ERBB4: variants seen among roughly 807,000 people sequenced by gnomAD.
ERBB4 encodes receptor tyrosine-protein kinase erbB-4.
Under a neutral mutation model 158.0 loss-of-function variants are expected in ERBB4, and 42 were observed. That is an observed-to-expected ratio of 0.27 (90% CI 0.21 to 0.34). The LOEUF is 0.34. Among genes scored for constraint, ERBB4 ranks in the 10% least tolerant of loss-of-function variants. ERBB4 has a pLI of 1.00. For missense variants in ERBB4, 1,333 were observed against 1,624.1 expected, an observed-to-expected ratio of 0.82 and a Z score of 3.08; for synonymous variants, 583 against 558.7, an observed-to-expected ratio of 1.04 and a Z score of -0.61.
At chr2:212,523,271 T>C (rs1692271428) in intron 1 of ERBB4, among the ~76,000 whole-genome samples, 1 of 151,972 alleles carries the variant, frequency 6.6e-6, no homozygotes, top group Non-Finnish European at 1.5e-5. Context: ...CTTAACATTT[T>C]ATCTCCCAGC....
intron 9 of ERBB4, among the ~76,000 whole-genome samples, chr2:211,709,254 C>CACATATATATAT (rs1402744514): frequency 6.9e-4 from 70 of 101,538 alleles, no homozygotes; most frequent in African/African-American, 2.6e-3. Context: ...TATATATACA[C>CACATATATATAT]ATATATATAT....
intron 1 of ERBB4, among the ~76,000 whole-genome samples, chr2:212,231,328 T>C (rs2105983120): frequency 6.6e-6 from 1 of 152,268 alleles, no homozygotes; most frequent in East Asian, 1.9e-4. Flanking sequence ...TTTCACTTCA[T>C]TTTTGACATG....
intron 1 of ERBB4, among the ~76,000 whole-genome samples, chr2:212,191,690 TTA>T (rs144772979): frequency 0.28 from 13,649 of 49,180 alleles, 2,391 homozygotes; most frequent in Non-Finnish European, 0.38. Context: ...GTTATACATG[TTA>T]CATATAACAC....
At chr2:211,669,247 AAAAAAGC>A (rs2071746479) in intron 14 of ERBB4, among the ~76,000 whole-genome samples, 1 of 149,030 alleles carries the variant, frequency 6.7e-6, no homozygotes, top group Non-Finnish European at 1.5e-5. Context: ...AAGAAAAAAG[AAAAAAGC>A]AAAAAACAAC....
At chr2:212,134,988 C>T (rs889139907) in intron 1 of ERBB4, among the ~76,000 whole-genome samples, 1 of 151,996 alleles carries the variant, frequency 6.6e-6, no homozygotes, top group African/African-American at 2.4e-5. Flanking sequence ...GCCTGGCCTA[C>T]TAAACACTTT....
chr2:211,553,557 A>C (rs1574735752), intron 20 of ERBB4, among the ~76,000 whole-genome samples: 1 of 152,344 alleles, frequency 6.6e-6, no homozygotes, highest in East Asian at 1.9e-4. Context: ...GTCTGTCCTT[A>C]TTGTAGTGAT....
chr2:211,640,599 A>G (rs2070542799), intron 16 of ERBB4, among the ~76,000 whole-genome samples: 1 of 152,212 alleles, frequency 6.6e-6, no homozygotes, highest in Non-Finnish European at 1.5e-5. Flanking sequence ...AGTCAAGCCT[A>G]GACTCTTAGT....
At chr2:211,773,333 G>GTATTTA (rs1575125061) in intron 4 of ERBB4, among the ~76,000 whole-genome samples, 2 of 151,576 alleles carry the variant, frequency 1.3e-5, no homozygotes, top group East Asian at 3.9e-4. Context: ...TTGTATGTAT[G>GTATTTA]TGTGTATGTA....
intron 4 of ERBB4, among the ~76,000 whole-genome samples, chr2:211,786,967 A>C (rs2076179402): frequency 6.6e-6 from 1 of 152,208 alleles, no homozygotes; most frequent in South Asian, 2.1e-4. Flanking sequence ...TGACAAGAAA[A>C]TTATGTTACT....
At chr2:211,880,324 T>C (rs1452079978) in intron 3 of ERBB4, among the ~76,000 whole-genome samples, 1 of 152,200 alleles carries the variant, frequency 6.6e-6, no homozygotes, top group African/African-American at 2.4e-5. Context: ...TTTACCACTA[T>C]GTGGTACGCA....
intron 1 of ERBB4, among the ~76,000 whole-genome samples, chr2:212,393,347 A>G (rs202065277): frequency 1.3e-5 from 2 of 152,106 alleles, no homozygotes; most frequent in Non-Finnish European, 2.9e-5. Context: ...CTTTCTATCC[A>G]TAAAGCAAAC....
At chr2:212,079,380 G>C (rs1218920527) in intron 2 of ERBB4, among the ~76,000 whole-genome samples, 2 of 151,904 alleles carry the variant, frequency 1.3e-5, no homozygotes, top group African/African-American at 2.4e-5. Context: ...TAAAACAAAA[G>C]AACAAATATA....
intron 20 of ERBB4, among the ~76,000 whole-genome samples, chr2:211,553,314 C>T (rs2067153713): frequency 6.6e-6 from 1 of 152,044 alleles, no homozygotes; most frequent in African/African-American, 2.4e-5. Context: ...AAGTTAAGAC[C>T]ACAAGCATCC....
rs553626607 is a variant in ERBB4 at position 211,946,123 on chromosome 2, G to A, written c.421+1307C>T. On this transcript the variant is annotated intron_variant, in intron 3 of 27. Transcript: ENST00000342788. ...AAAACTATCTTTGAAAGAAATAAAAGTGAAAATGTTGATGAAGGAATCTAT... is the reference window on the plus strand; with the variant it reads ...AAAACTATCTTTGAAAGAAATAAAAATGAAAATGTTGATGAAGGAATCTAT... Among the ~76,000 whole-genome samples the A allele has an allele frequency of 1.2e-4, 18 of 152,052 alleles. No individual in the cohort carries two copies. The East Asian group carries it at 3.5e-3, about 29-fold the overall frequency.
chr2:212,047,897 A>G (rs1272633268), intron 2 of ERBB4, among the ~76,000 whole-genome samples: 2 of 152,172 alleles, frequency 1.3e-5, no homozygotes. Context: ...CAGTAAGCAA[A>G]CGTAAATAAA....
At chr2:212,098,494 G>A (rs1189987874) in intron 2 of ERBB4, among the ~76,000 whole-genome samples, 1 of 152,056 alleles carries the variant, frequency 6.6e-6, no homozygotes, top group African/African-American at 2.4e-5. Context: ...ATAGAGTTTG[G>A]TCTTTGATAG....
chr2:211,916,650 G>T (rs2079699998), intron 3 of ERBB4, among the ~76,000 whole-genome samples: 1 of 152,010 alleles, frequency 6.6e-6, no homozygotes, highest in Non-Finnish European at 1.5e-5. Flanking sequence ...AAATATGAGG[G>T]TCTGATTTAA....
intron 1 of ERBB4, among the ~76,000 whole-genome samples, chr2:212,491,511 G>A: frequency 6.6e-6 from 1 of 151,492 alleles, no homozygotes; most frequent in East Asian, 1.9e-4. Flanking sequence ...TGAATTCACT[G>A]CTTTAAAGGA....
intron 19 of ERBB4, among the ~76,000 whole-genome samples, chr2:211,609,308 A>G (rs188143514): frequency 8.8e-4 from 134 of 152,286 alleles, no homozygotes; most frequent in Non-Finnish European, 1.4e-3. Flanking sequence ...CCCACATTCC[A>G]GAGAGGGCCC....
Sources: gnomAD v4.1 joint callset for allele counts (sites outside exome capture counted in the v4.1 genomes callset) on GRCh38, gnomAD v4.1.1 for gene constraint, MANE v1.5 for transcripts, NCBI Gene and HGNC (gene_info 2026-07-23, HGNC 2026-07-21) for gene names.